Variants in TMC7 observed in about 807,000 individuals in gnomAD.
TMC7 encodes the protein transmembrane channel-like protein 7.
In TMC7, 54 loss-of-function variants were observed where a neutral mutation model predicts 82.9. That is an observed-to-expected ratio of 0.65 (90% confidence interval 0.52 to 0.82). TMC7 has a LOEUF of 0.82. Among genes scored for constraint, TMC7 ranks in the 40% least tolerant of loss-of-function variants. The pLI is 0.00. For synonymous variants in TMC7, 350 were observed against 337.9 expected (o/e 1.04, Z -0.39); for missense variants, 820 against 901.2 (o/e 0.91, Z 1.15).
In TMC7 at chr16:19,024,997, C is replaced by T. The variant is rs575097624; in HGVS notation, c.711+1802C>T. ...CTCCAGCCTGGGCAACAGAGTGAGA[C>T]GCTGTCTCAGAAAAAAAGCAATGAG... On this transcript the variant is annotated intron_variant, in intron 5 of 15. Coordinates refer to ENST00000304381, the MANE Select transcript of TMC7 (RefSeq NM_024847.4). Among the ~76,000 whole-genome samples, 66 of 152,164 alleles carry T rather than the reference C, an allele frequency of 4.3e-4. 3 individuals are homozygous for T. The South Asian group carries it at 0.012, about 27-fold the overall frequency.
At chr16:19,032,302 G>GT (rs1960552915) in intron 6 of TMC7, among the ~76,000 whole-genome samples, 1 of 152,180 alleles carries the variant, frequency 6.6e-6, no homozygotes, top group Admixed American at 6.5e-5. Context: ...TGTATCCTGA[G>GT]TTAGAATCTG....
rs77861974 is a variant in TMC7, at chr16:19,009,236, A to G, written c.132A>G (p.Pro44=). Residue 44 remains proline (P), a synonymous_variant, in exon 2 of 16, where the codon CCA becomes CCG. Transcript: ENST00000304381. ...CTGTGAACTTCCTCCAAGAATTGCC[A>G]AGCTACCGGTCCATTGCACGTAGGA... is the stretch of plus-strand genomic sequence containing the variant. ...SPPVNFLQEL[P]SYRSIARRRT... The G allele has an allele frequency of 3.9e-4, 626 of 1,614,148 alleles. 5 individuals are homozygous for G. The African/African-American group carries it at 7.5e-3, about 19-fold the overall frequency.
intron 1 of TMC7, among the ~76,000 whole-genome samples, chr16:18,999,126 C>A (rs1341685503): frequency 6.6e-6 from 1 of 152,160 alleles, no homozygotes; most frequent in African/African-American, 2.4e-5. Context: ...GCAGCCTCAA[C>A]CTTCCAGGCT....
intron 1 of TMC7, among the ~76,000 whole-genome samples, chr16:18,999,116 G>A (rs2142141672): frequency 6.6e-6 from 1 of 152,244 alleles, no homozygotes; most frequent in East Asian, 1.9e-4. Flanking sequence ...ACAGCTCACT[G>A]CAGCCTCAAC....
intron 9 of TMC7, among the ~76,000 whole-genome samples, chr16:19,043,783 G>C (rs552308292): frequency 6.6e-6 from 1 of 151,968 alleles, no homozygotes; most frequent in African/African-American, 2.4e-5. Context: ...TGTTGGTCAG[G>C]CTGGTTTCGA....
At chr16:19,061,711 C>A in intron 15 of TMC7, 67 bp from the exon 16 acceptor site, 1 of 1,388,546 alleles carries the variant, frequency 7.2e-7, no homozygotes, top group Non-Finnish European at 1.0e-6. Context: ...AGCCCTCAGT[C>A]TGGTAGGTAA....
chr16:19,035,824 G>A lies in TMC7; in HGVS notation c.1005+1G>A. 1 of 1,577,056 alleles carries A rather than the reference G, an allele frequency of 6.3e-7. No homozygotes were observed. The highest frequency in any genetic ancestry group is 2.2e-5 in the East Asian group (1 of 44,480). On this transcript the variant is annotated splice_donor_variant, in intron 7 of 15. Coordinates refer to ENST00000304381, the MANE Select transcript of TMC7 (RefSeq NM_024847.4). LOFTEE classifies it high-confidence loss of function. Reference sequence around the variant, plus strand: ...CAGCAGCTTGCGGTACGAGCTCCGAGTGAGTGCTCCTGAGTTTGTCCGTGG... The same window carrying A: ...CAGCAGCTTGCGGTACGAGCTCCGAATGAGTGCTCCTGAGTTTGTCCGTGG...
At chr16:19,000,043 G>A (rs1567502696) in intron 1 of TMC7, among the ~76,000 whole-genome samples, 2 of 151,968 alleles carry the variant, frequency 1.3e-5, no homozygotes, top group Admixed American at 6.6e-5. Context: ...GATTACAGGC[G>A]TGTAATCACG....
chr16:19,057,282 G>T (rs1286466496), intron 14 of TMC7, among the ~76,000 whole-genome samples: 1 of 152,144 alleles, frequency 6.6e-6, no homozygotes, highest in Non-Finnish European at 1.5e-5. Flanking sequence ...TAACATTACT[G>T]TTTATTTACA....
Position 19,012,448 on chromosome 16 carries a change from C to G in TMC7, c.311+3033C>G, listed in dbSNP as rs187725459. On this transcript the variant is annotated intron_variant, in intron 2 of 15. Transcript: ENST00000304381. ...TGGAAAAATGAAACTAACAGACTCTCATGAGCAGGGCCCATGTCTATCTGG... is the reference window on the plus strand; with the variant it reads ...TGGAAAAATGAAACTAACAGACTCTGATGAGCAGGGCCCATGTCTATCTGG... Among the ~76,000 whole-genome samples the G allele has an allele frequency of 1.1e-4, 16 of 152,172 alleles. No homozygotes were observed. In the East Asian group the frequency reaches 2.9e-3, roughly 28 times the overall value.
intron 6 of TMC7, among the ~76,000 whole-genome samples, chr16:19,032,770 G>A (rs1311194179): frequency 1.3e-5 from 2 of 152,086 alleles, no homozygotes; most frequent in Non-Finnish European, 2.9e-5. Flanking sequence ...TGAGATTACA[G>A]GTGCACGCCA....
At chr16:19,001,486 G>C (rs1005358715) in intron 1 of TMC7, among the ~76,000 whole-genome samples, 1 of 152,150 alleles carries the variant, frequency 6.6e-6, no homozygotes, top group South Asian at 2.1e-4. Context: ...TTCGAGACTA[G>C]CCTGGGCAAC....
chr16:19,044,768 C>CAAAAAA (rs1165792461), intron 9 of TMC7, 116 bp from the exon 10 acceptor site: 27 of 292,960 alleles, frequency 9.2e-5, no homozygotes, highest in Middle Eastern at 8.2e-4. Context: ...CACTCCATCT[C>CAAAAAA]AAAAAAAAAA....
At position 19,038,048 on chromosome 16, in the gene TMC7, G is replaced by A. The variant is rs1186346809; in HGVS notation, c.1179+1G>A. On this transcript the variant is annotated splice_donor_variant, in intron 8 of 15. Transcript: ENST00000304381. LOFTEE classifies it high-confidence loss of function. ...CTTCTCGCAAGAGCACATGAAAAAG[G>A]TAAATTAACTTGTACTCTGGCTGGA... The A allele has an allele frequency of 1.2e-6, 2 of 1,613,072 alleles. No individual in the cohort carries two copies. The highest frequency in any genetic ancestry group is 1.7e-6 in the Non-Finnish European group (2 of 1,179,658).
chr16:19,018,205 A>T (rs559649082), intron 3 of TMC7, among the ~76,000 whole-genome samples: 2 of 152,312 alleles, frequency 1.3e-5, no homozygotes, highest in African/African-American at 4.8e-5. Context: ...CACTTTTACC[A>T]AACTGCAAAG....
intron 13 of TMC7, among the ~76,000 whole-genome samples, chr16:19,054,440 G>A (rs1398119650): frequency 6.6e-6 from 1 of 152,074 alleles, no homozygotes; most frequent in East Asian, 1.9e-4. Context: ...GGTAGGCTGG[G>A]CGCGGTGGCT....
intron 15 of TMC7, among the ~76,000 whole-genome samples, 166 bp from the exon 16 acceptor site, chr16:19,061,612 C>G (rs559135879): frequency 6.0e-4 from 91 of 152,324 alleles, no homozygotes; most frequent in African/African-American, 1.7e-3. Context: ...AAAAAAGGAT[C>G]GGCTGCTTTG....
At chr16:19,007,812 T>C (rs1339679218) in intron 1 of TMC7, among the ~76,000 whole-genome samples, 2 of 151,828 alleles carry the variant, frequency 1.3e-5, no homozygotes, top group Admixed American at 6.6e-5. Context: ...ACTTATCACT[T>C]CCTGGCATAA....
chr16:18,990,201 G>C (rs2038926116), intron 1 of TMC7, among the ~76,000 whole-genome samples: 1 of 152,066 alleles, frequency 6.6e-6, no homozygotes, highest in African/African-American at 2.4e-5. Flanking sequence ...AGTTAGGATG[G>C]GGCAGAAACA....
Sources: allele counts gnomAD v4.1 joint callset (sites outside exome capture counted in the v4.1 genomes callset), GRCh38; gene constraint gnomAD v4.1.1; transcripts MANE v1.5; gene names NCBI Gene and HGNC (gene_info 2026-07-23, HGNC 2026-07-21).